GRID2: variants seen among roughly 807,000 people sequenced by gnomAD.
GRID2 encodes glutamate receptor ionotropic, delta-2.
In GRID2, 33 loss-of-function variants were observed where a neutral mutation model predicts 114.8. That is an observed-to-expected ratio of 0.29 (90% CI 0.22 to 0.38). The LOEUF (loss-of-function observed/expected upper bound fraction) is 0.38. Ranked by LOEUF, GRID2 falls within the 10% of genes least tolerant of loss-of-function variation. The pLI is 1.00. For missense variants in GRID2, 1,184 were observed against 1,257.7 expected (o/e 0.94, Z 0.89); for synonymous variants, 505 against 449.9 (o/e 1.12, Z -1.55).
At chr4:93,587,215 T>G (rs533113769) in intron 13 of GRID2, among the ~76,000 whole-genome samples, 2 of 152,224 alleles carry the variant, frequency 1.3e-5, no homozygotes, top group South Asian at 4.1e-4. Context: ...TATTTAAAAT[T>G]GTATAAAATT....
At chr4:93,660,450 A>G (rs1195086098) in intron 14 of GRID2, among the ~76,000 whole-genome samples, 1 of 152,140 alleles carries the variant, frequency 6.6e-6, no homozygotes, top group Non-Finnish European at 1.5e-5. Flanking sequence ...TCAAATATAC[A>G]TTTGTGTATT....
chr4:93,387,182 G>T (rs1764400669), intron 8 of GRID2, among the ~76,000 whole-genome samples: 1 of 152,056 alleles, frequency 6.6e-6, no homozygotes, highest in African/African-American at 2.4e-5. Flanking sequence ...GTATGTTGGT[G>T]GTTCTCTTTC....
At chr4:92,729,328 A>T (rs193098660) in intron 2 of GRID2, among the ~76,000 whole-genome samples, 1 of 152,238 alleles carries the variant, frequency 6.6e-6, no homozygotes, top group African/African-American at 2.4e-5. Context: ...GCAAAGTGCT[A>T]AATATAATAT....
chr4:92,828,865 G>GT (rs894020557), intron 2 of GRID2, among the ~76,000 whole-genome samples: 2 of 151,884 alleles, frequency 1.3e-5, no homozygotes, highest in African/African-American at 2.4e-5. Context: ...GGAGTTGTTT[G>GT]TTTTTTTCTT....
intron 14 of GRID2, among the ~76,000 whole-genome samples, chr4:93,762,475 A>G (rs764716436): frequency 6.6e-5 from 10 of 152,202 alleles, no homozygotes; most frequent in Non-Finnish European, 1.2e-4. Flanking sequence ...TTACATAGCT[A>G]TAATTATCTT....
intron 2 of GRID2, among the ~76,000 whole-genome samples, chr4:92,679,286 A>G (rs1277361751): frequency 1.3e-5 from 2 of 152,034 alleles, no homozygotes; most frequent in African/African-American, 4.8e-5. Context: ...CACAGAGAAC[A>G]TCTTTCTAGC....
At chr4:92,727,507 A>G (rs1240993468) in intron 2 of GRID2, among the ~76,000 whole-genome samples, 2 of 151,980 alleles carry the variant, frequency 1.3e-5, no homozygotes, top group Non-Finnish European at 2.9e-5. Flanking sequence ...CAGTTTGCTG[A>G]TATCCTTTGG....
At chr4:93,528,109 G>GTATA (rs1731098104) in intron 13 of GRID2, among the ~76,000 whole-genome samples, 1 of 151,598 alleles carries the variant, frequency 6.6e-6, no homozygotes, top group Non-Finnish European at 1.5e-5. Flanking sequence ...GTATATATGT[G>GTATA]TATATATGTG....
At chr4:92,337,234 T>C (rs1047781306) in intron 1 of GRID2, among the ~76,000 whole-genome samples, 4 of 152,162 alleles carry the variant, frequency 2.6e-5, no homozygotes, top group African/African-American at 9.6e-5. Context: ...TTTTGGATTG[T>C]TGTTTCACTG....
chr4:93,780,004 A>C (rs1734447868), intron 1 of GRID2, among the ~76,000 whole-genome samples: 1 of 152,242 alleles, frequency 6.6e-6, no homozygotes, highest in Non-Finnish European at 1.5e-5. Flanking sequence ...TGTTGGGGAT[A>C]CACCAGTAAG....
chr4:93,409,095 T>C (rs966852663), intron 9 of GRID2, among the ~76,000 whole-genome samples: 2 of 152,136 alleles, frequency 1.3e-5, no homozygotes, highest in African/African-American at 4.8e-5. Context: ...CTCTGGAAAA[T>C]GACTTAATAC....
chr4:93,010,255 C>G (rs917795745), intron 2 of GRID2, among the ~76,000 whole-genome samples: 3 of 151,838 alleles, frequency 2.0e-5, no homozygotes, highest in Non-Finnish European at 4.4e-5. Context: ...ACCATCTTTA[C>G]CTACATTTTT....
chr4:93,294,649 C>T (rs1037954080), intron 8 of GRID2, among the ~76,000 whole-genome samples: 3 of 151,552 alleles, frequency 2.0e-5, no homozygotes, highest in African/African-American at 7.3e-5. Flanking sequence ...ACCTCCACCT[C>T]TCAGGTTCAA....
intron 5 of GRID2, 77 bp downstream of exon 5, chr4:93,207,534 G>C (rs1394628414): frequency 1.1e-6 from 1 of 880,310 alleles, no homozygotes; most frequent in East Asian, 2.5e-5. Flanking sequence ...CAATGGCCTT[G>C]AATTTTTAAG....
chr4:92,868,418 G>A (rs1578348369), intron 2 of GRID2, among the ~76,000 whole-genome samples: 1 of 152,022 alleles, frequency 6.6e-6, no homozygotes, highest in South Asian at 2.1e-4. Flanking sequence ...AGAGATTTTG[G>A]TTATTTTGCT....
At chr4:93,120,680 G>A (rs531673215) in intron 4 of GRID2, among the ~76,000 whole-genome samples, 21 of 152,142 alleles carry the variant, frequency 1.4e-4, no homozygotes, top group East Asian at 1.4e-3. Context: ...GGGACTGGGC[G>A]CGGTGGCTCA....
At chr4:92,989,147 C>T (rs1754690321) in intron 2 of GRID2, among the ~76,000 whole-genome samples, 1 of 151,546 alleles carries the variant, frequency 6.6e-6, no homozygotes, top group Admixed American at 6.6e-5. Context: ...TGTGGTGGCA[C>T]ACGCCTGTAG....
At chr4:93,270,215 TACACACACACACACACACACACACACAC>T (rs34945534) in intron 8 of GRID2, among the ~76,000 whole-genome samples, 2 of 137,086 alleles carry the variant, frequency 1.5e-5, no homozygotes, top group Non-Finnish European at 1.7e-5. Flanking sequence ...CACACACACA[TACACACACACACACACACACACACACAC>T]ACACACACAC....
intron 1 of GRID2, among the ~76,000 whole-genome samples, chr4:92,547,025 G>T (rs1038241913): frequency 6.6e-6 from 1 of 152,244 alleles, no homozygotes; most frequent in South Asian, 2.1e-4. Context: ...CTAGAACCCA[G>T]ATCTTTTAAG....
Sources: gnomAD v4.1 joint callset for allele counts (sites outside exome capture counted in the v4.1 genomes callset) on GRCh38, gnomAD v4.1.1 for gene constraint, MANE v1.5 for transcripts, NCBI Gene and HGNC (gene_info 2026-07-23, HGNC 2026-07-21) for gene names.